The following LRCH2 variants were observed in gnomAD, a reference collection of about 807,000 sequenced individuals.
LRCH2 encodes leucine-rich repeat and calponin homology domain-containing protein 2.
LRCH2 carries 38 observed loss-of-function variants against 68.9 expected under a neutral mutation model. The ratio of observed to expected loss-of-function variants is 0.55; its 90% CI spans 0.43 to 0.72. The LOEUF (loss-of-function observed/expected upper bound fraction) is 0.72, where lower values mean the gene tolerates loss of function less well. LRCH2 is among the 30% of genes least tolerant of loss of function. LRCH2 has a pLI of 0.00. For synonymous variants in LRCH2, 191 were observed against 208.1 expected, an observed-to-expected ratio of 0.92 and a Z score of 0.71; for missense variants, 528 against 572.9, an observed-to-expected ratio of 0.92 and a Z score of 0.80.
chrX:115,146,577 A>T (rs1046324318), intron 14 of LRCH2, among the ~76,000 whole-genome samples: 3 of 101,566 alleles, frequency 3.0e-5, no homozygotes, highest in Non-Finnish European at 5.9e-5. Flanking sequence ...AAAAATTTAA[A>T]ATAAAAAAAG....
intron 1 of LRCH2, chrX:115,190,055 A>G (rs2147418813): frequency 8.6e-7 from 1 of 1,156,698 alleles, no homozygotes; most frequent in Non-Finnish European, 1.2e-6. Flanking sequence ...CCACCCCACA[A>G]GAGGGCTGTG....
intron 1 of LRCH2, among the ~76,000 whole-genome samples, chrX:115,208,322 C>A (rs1489735694): frequency 3.6e-5 from 4 of 111,674 alleles, no homozygotes; most frequent in African/African-American, 1.3e-4. Flanking sequence ...ACCTTTATAA[C>A]CACTAAGCTG....
intron 20 of LRCH2, among the ~76,000 whole-genome samples, chrX:115,114,181 T>C (rs781913522): frequency 9.0e-6 from 1 of 111,515 alleles, no homozygotes; most frequent in Admixed American, 9.5e-5. Flanking sequence ...TAATACACTA[T>C]TCAATCTCCA....
At chrX:115,152,783 C>A (rs1246122269) in intron 12 of LRCH2, among the ~76,000 whole-genome samples, 2 of 110,688 alleles carry the variant, frequency 1.8e-5, no homozygotes, top group African/African-American at 6.6e-5. Context: ...ACAAAAGTAA[C>A]ATGAAGAAAA....
At chrX:115,218,603 A>C (rs2073057397) in intron 1 of LRCH2, among the ~76,000 whole-genome samples, 1 of 112,482 alleles carries the variant, frequency 8.9e-6, no homozygotes, top group East Asian at 2.8e-4. Flanking sequence ...ATTGCACGCC[A>C]AGTCTTCGTT....
intron 1 of LRCH2, among the ~76,000 whole-genome samples, chrX:115,209,602 T>C (rs4498728): frequency 0.1 from 11,694 of 111,397 alleles, 474 homozygotes; most frequent in African/African-American, 0.12. Flanking sequence ...ATACAGTAAA[T>C]TGGTACCAGT....
chrX:115,148,019 A>T (rs1351430584), intron 14 of LRCH2, among the ~76,000 whole-genome samples: 2 of 111,201 alleles, frequency 1.8e-5, no homozygotes, highest in African/African-American at 6.5e-5. Context: ...GCTGTGTGCT[A>T]TGATCACGCT....
chrX:115,157,417 TA>T (rs1450748491), intron 11 of LRCH2, among the ~76,000 whole-genome samples: 4 of 110,136 alleles, frequency 3.6e-5, no homozygotes, highest in African/African-American at 1.3e-4. Context: ...AAATGGATTT[TA>T]AATAAAAGCT....
chrX:115,211,364 CTT>C (rs2073006038), intron 1 of LRCH2, among the ~76,000 whole-genome samples: 1 of 111,597 alleles, frequency 9.0e-6, no homozygotes, highest in South Asian at 3.8e-4. Context: ...GCTCTCTTCT[CTT>C]GTCTGCCACC....
chrX:115,192,161 A>T, intron 1 of LRCH2: 1 of 1,166,826 alleles, frequency 8.6e-7, no homozygotes, highest in Non-Finnish European at 1.1e-6. Context: ...AGTGACCATT[A>T]CGGAAGAGGA....
chrX:115,228,239 G>A (rs1239487519), intron 1 of LRCH2, among the ~76,000 whole-genome samples: 1 of 111,580 alleles, frequency 9.0e-6, no homozygotes, highest in Non-Finnish European at 1.9e-5. Flanking sequence ...GGCGTGTAAG[G>A]TATTTTTTTT....
intron 1 of LRCH2, among the ~76,000 whole-genome samples, chrX:115,208,005 A>G (rs978631398): frequency 1.9e-4 from 21 of 112,172 alleles, no homozygotes; most frequent in African/African-American, 6.2e-4. Context: ...GGAAGAAGCA[A>G]GGAATGGATT....
At chrX:115,205,473 TTCATCA>T (rs1257491490) in intron 1 of LRCH2, among the ~76,000 whole-genome samples, 3 of 112,252 alleles carry the variant, frequency 2.7e-5, no homozygotes, top group Non-Finnish European at 5.6e-5. Context: ...TTCATCAATT[TTCATCA>T]TCATCAAGTG....
At chrX:115,207,065 A>C (rs1385361475) in intron 1 of LRCH2, among the ~76,000 whole-genome samples, 2 of 111,830 alleles carry the variant, frequency 1.8e-5, no homozygotes, top group Admixed American at 9.5e-5. Flanking sequence ...ATCTTGTGAT[A>C]TACAATAAAG....
At chrX:115,209,074 G>T (rs1556569140) in intron 1 of LRCH2, among the ~76,000 whole-genome samples, 1 of 112,260 alleles carries the variant, frequency 8.9e-6, no homozygotes, top group African/African-American at 3.2e-5. Context: ...GGAGTTAATG[G>T]AGAAATAACT....
At chrX:115,213,040 C>T (rs1556570341) in intron 1 of LRCH2, among the ~76,000 whole-genome samples, 2 of 109,932 alleles carry the variant, frequency 1.8e-5, no homozygotes, top group African/African-American at 6.6e-5. Flanking sequence ...CTCAAGCAAT[C>T]CTCCTGCCTT....
At chrX:115,208,343 C>T (rs781848618) in intron 1 of LRCH2, among the ~76,000 whole-genome samples, 30 of 111,776 alleles carry the variant, frequency 2.7e-4, no homozygotes, top group Admixed American at 3.8e-4. Flanking sequence ...TTTTTCTTGT[C>T]TCATTTTTAA....
chrX:115,138,671 T>C (rs1556532828), intron 14 of LRCH2, among the ~76,000 whole-genome samples: 1 of 111,911 alleles, frequency 8.9e-6, no homozygotes, highest in African/African-American at 3.2e-5. Context: ...ATGATATACT[T>C]AAGAACTTAG....
intron 2 of LRCH2, 43 bp downstream of exon 2, chrX:115,188,183 A>G (rs2072748257): frequency 1.0e-6 from 1 of 997,340 alleles, no homozygotes; most frequent in East Asian, 3.5e-5. Flanking sequence ...AAGGATTAGA[A>G]CAACAATAAA....
Sources: gnomAD v4.1 joint callset for allele counts (sites outside exome capture counted in the v4.1 genomes callset) on GRCh38, gnomAD v4.1.1 for gene constraint, MANE v1.5 for transcripts, NCBI Gene and HGNC (gene_info 2026-07-23, HGNC 2026-07-21) for gene names.